The following LARGE1 variants were observed in gnomAD, a reference collection of about 807,000 sequenced individuals.
LARGE1 encodes LARGE xylosyl- and glucuronyltransferase 1.
A neutral mutation model predicts 87.6 loss-of-function variants in LARGE1; 43 were observed. The ratio of observed to expected loss-of-function variants is 0.49; its 90% CI spans 0.38 to 0.63. The LOEUF is 0.63. Among genes scored for constraint, LARGE1 ranks in the 30% least tolerant of loss-of-function variants. The pLI is 0.00. For missense variants in LARGE1, 802 were observed against 1,000.2 expected, an observed-to-expected ratio of 0.80 and a Z score of 2.67; for synonymous variants, 434 against 394.6, an observed-to-expected ratio of 1.10 and a Z score of -1.18.
chr22:33,867,520 T>C (rs1397741054), intron 1 of LARGE1, among the ~76,000 whole-genome samples: 1 of 152,168 alleles, frequency 6.6e-6, no homozygotes, highest in East Asian at 1.9e-4. Context: ...CTTCTAGCGC[T>C]GGTTCTATTA....
At chr22:33,804,215 T>C (rs1386133102) in intron 1 of LARGE1, among the ~76,000 whole-genome samples, 1 of 152,188 alleles carries the variant, frequency 6.6e-6, no homozygotes, top group Non-Finnish European at 1.5e-5. Context: ...GACAATAGTT[T>C]TGGATTTCTC....
chr22:33,191,544 TAA>T (rs137413), intron 11 of LARGE1, among the ~76,000 whole-genome samples: 95,271 of 151,838 alleles, frequency 0.63, 30,345 homozygotes, highest in African/African-American at 0.71. Context: ...TGAGATCAGA[TAA>T]ATTTAGAACT....
intron 5 of LARGE1, among the ~76,000 whole-genome samples, chr22:33,570,663 A>C (rs2078170893): frequency 6.6e-6 from 1 of 151,730 alleles, no homozygotes; most frequent in Non-Finnish European, 1.5e-5. Context: ...AAAAAAAAAA[A>C]AAAAAAATCA....
At chr22:33,736,153 T>C (rs1162004937) in intron 2 of LARGE1, among the ~76,000 whole-genome samples, 2 of 152,238 alleles carry the variant, frequency 1.3e-5, no homozygotes, top group African/African-American at 4.8e-5. Flanking sequence ...TGGGCATAGA[T>C]ACCTGGAGCG....
intron 2 of LARGE1, among the ~76,000 whole-genome samples, chr22:33,703,214 G>C (rs1293699819): frequency 6.6e-6 from 1 of 152,078 alleles, no homozygotes; most frequent in African/African-American, 2.4e-5. Context: ...AAAGCGGAGG[G>C]AGAGCATTAA....
intron 1 of LARGE1, among the ~76,000 whole-genome samples, chr22:33,850,363 G>A (rs1207220193): frequency 1.3e-5 from 2 of 152,162 alleles, no homozygotes; most frequent in African/African-American, 2.4e-5. Flanking sequence ...TAAGTCTTCC[G>A]CACTTGAGGT....
At chr22:33,734,971 T>C (rs1268348000) in intron 2 of LARGE1, among the ~76,000 whole-genome samples, 1 of 152,182 alleles carries the variant, frequency 6.6e-6, no homozygotes, top group East Asian at 1.9e-4. Flanking sequence ...TTGGAAGGTG[T>C]AGGAGATCAG....
At chr22:33,749,910 G>A (rs1374831900) in intron 2 of LARGE1, among the ~76,000 whole-genome samples, 5 of 152,108 alleles carry the variant, frequency 3.3e-5, no homozygotes, top group Non-Finnish European at 7.4e-5. Context: ...CAGAATAAAG[G>A]ACCTTTTTAG....
At chr22:33,359,556 T>C in intron 9 of LARGE1, among the ~76,000 whole-genome samples, 1 of 146,304 alleles carries the variant, frequency 6.8e-6, no homozygotes. Flanking sequence ...TATGGCAGAC[T>C]CATCTTTTTT....
intron 9 of LARGE1, among the ~76,000 whole-genome samples, chr22:33,367,334 T>C (rs1174576929): frequency 6.6e-6 from 1 of 152,236 alleles, no homozygotes; most frequent in Non-Finnish European, 1.5e-5. Flanking sequence ...GTCTATTTTA[T>C]TGGTCCCTTT....
intron 4 of LARGE1, among the ~76,000 whole-genome samples, chr22:33,622,364 C>T (rs1206231514): frequency 1.3e-5 from 2 of 152,162 alleles, no homozygotes; most frequent in Non-Finnish European, 1.5e-5. Context: ...AGATGCCTTG[C>T]TCCCGCTTCA....
intron 7 of LARGE1, among the ~76,000 whole-genome samples, chr22:33,406,457 C>T (rs368422363): frequency 1.5e-4 from 23 of 152,238 alleles, no homozygotes; most frequent in East Asian, 7.7e-4. Flanking sequence ...ACTACCACAC[C>T]GAGACAGAGT....
chr22:33,531,896 G>T (rs778849449), intron 6 of LARGE1, among the ~76,000 whole-genome samples: 1 of 152,230 alleles, frequency 6.6e-6, no homozygotes, highest in East Asian at 1.9e-4. Context: ...TATCTTGCCG[G>T]GTGAGCTTCC....
intron 5 of LARGE1, among the ~76,000 whole-genome samples, chr22:33,588,908 CT>C (rs764017463): frequency 5.3e-5 from 8 of 152,204 alleles, no homozygotes; most frequent in Non-Finnish European, 1.2e-4. Context: ...AATTAGCACC[CT>C]CAAGATGGAT....
At chr22:33,495,339 T>C (rs1384955158) in intron 6 of LARGE1, among the ~76,000 whole-genome samples, 1 of 152,196 alleles carries the variant, frequency 6.6e-6, no homozygotes, top group Non-Finnish European at 1.5e-5. Flanking sequence ...CCCAAGCCCT[T>C]GACTGCCTTG....
At position 33,564,830 on chromosome 22, in the gene LARGE1, C is replaced by T. The variant is rs759860215; in HGVS notation, c.787+18G>A. Reference sequence around the variant, plus strand: ...ACCTACAAGGATATCGGGGAAAAAACGAATGGGCTACCATTACCTTTGAAC... The same window carrying T: ...ACCTACAAGGATATCGGGGAAAAAATGAATGGGCTACCATTACCTTTGAAC... On this transcript the variant is annotated intron_variant, in intron 6 of 14. Transcript: ENST00000397394. 1.2e-5 allele frequency: 19 copies of T among 1,613,808 alleles called. No homozygotes were observed. The highest frequency in any genetic ancestry group is 1.1e-4 in the African/African-American group (8 of 74,922).
At chr22:33,401,612 G>C (rs2065928299) in intron 7 of LARGE1, among the ~76,000 whole-genome samples, 1 of 152,196 alleles carries the variant, frequency 6.6e-6, no homozygotes, top group Non-Finnish European at 1.5e-5. Flanking sequence ...AGGCTCTGCA[G>C]TGCTGTCTCA....
chr22:33,856,375 T>C (rs1568990231), intron 1 of LARGE1, among the ~76,000 whole-genome samples: 1 of 152,000 alleles, frequency 6.6e-6, no homozygotes, highest in African/African-American at 2.4e-5. Flanking sequence ...AGAGCCTCAG[T>C]GAGGTCCATA....
intron 1 of LARGE1, among the ~76,000 whole-genome samples, chr22:33,816,689 TAGAC>T (rs1226644906): frequency 0.047 from 6,256 of 132,048 alleles, 221 homozygotes; most frequent in African/African-American, 0.099. Flanking sequence ...GATAGATAGA[TAGAC>T]AGACAGACAG....
Sources: gnomAD v4.1 joint callset for allele counts (sites outside exome capture counted in the v4.1 genomes callset) on GRCh38, gnomAD v4.1.1 for gene constraint, MANE v1.5 for transcripts, NCBI Gene and HGNC (gene_info 2026-07-23, HGNC 2026-07-21) for gene names.